HSD11B1: variants seen among roughly 807,000 people sequenced by gnomAD.
HSD11B1 encodes the protein hydroxysteroid 11-beta dehydrogenase 1.
Under a neutral mutation model 22.1 loss-of-function variants are expected in HSD11B1, and 15 were observed. That is an observed-to-expected ratio of 0.68 (90% CI 0.45 to 1.04). The LOEUF (loss-of-function observed/expected upper bound fraction) is 1.04. Ranked by LOEUF, HSD11B1 falls within the 50% of genes least tolerant of loss-of-function variation. The probability of loss-of-function intolerance (pLI) is 0.00; values close to 1 mark genes in which losing one functional copy is unlikely to be tolerated. For missense variants in HSD11B1, 281 were observed against 357.6 expected, an observed-to-expected ratio of 0.79 and a Z score of 1.73; for synonymous variants, 122 against 125.2, an observed-to-expected ratio of 0.97 and a Z score of 0.17.
intron 4 of HSD11B1, among the ~76,000 whole-genome samples, chr1:209,722,123 A>T (rs2076970716): frequency 6.6e-6 from 1 of 152,124 alleles, no homozygotes; most frequent in African/African-American, 2.4e-5. Flanking sequence ...ATGTTCTTCA[A>T]ATCTATTCTT....
intron 4 of HSD11B1, among the ~76,000 whole-genome samples, chr1:209,712,151 A>C (rs1370785603): frequency 6.6e-6 from 1 of 152,246 alleles, no homozygotes; most frequent in Non-Finnish European, 1.5e-5. Flanking sequence ...CAAATAGAAA[A>C]CTAGGTCTTA....
rs548611094 is a variant in HSD11B1, at chr1:209,723,225, A to C, written c.518-9211A>C. Reference sequence around the variant, plus strand: ...GCTGCCATCTTTCTCTTCTGCTATCATGGACCCACCCTCCCACATAAGCCA... The same window carrying C: ...GCTGCCATCTTTCTCTTCTGCTATCCTGGACCCACCCTCCCACATAAGCCA... On this transcript the variant is annotated intron_variant, in intron 4 of 5. Coordinates refer to ENST00000367027, the MANE Select transcript of HSD11B1 (RefSeq NM_005525.4). Among the ~76,000 whole-genome samples the C allele has an allele frequency of 2.0e-5, 3 of 152,270 alleles. No homozygotes were observed. In the South Asian group the frequency reaches 6.2e-4, roughly 32 times the overall value.
At chr1:209,720,815 G>A (rs1412066991) in intron 4 of HSD11B1, among the ~76,000 whole-genome samples, 1 of 152,092 alleles carries the variant, frequency 6.6e-6, no homozygotes, top group Non-Finnish European at 1.5e-5. Context: ...GTACTGGGTT[G>A]AATAGTGGCC....
At chr1:209,702,894 A>G (rs1223571964), upstream of HSD11B1, among the ~76,000 whole-genome samples, 1 of 152,206 alleles carries the variant, frequency 6.6e-6, no homozygotes, top group Non-Finnish European at 1.5e-5. Context: ...TATTTTATCT[A>G]ATCCCATGAA....
At chr1:209,695,863 TG>T (rs2076788234) in intron 1 of HSD11B1, among the ~76,000 whole-genome samples, 1 of 152,212 alleles carries the variant, frequency 6.6e-6, no homozygotes, top group South Asian at 2.1e-4. Context: ...ATGCCACTCT[TG>T]GGCATGTACC....
chr1:209,710,827 C>CA (rs1431865198), intron 4 of HSD11B1, among the ~76,000 whole-genome samples: 1 of 152,222 alleles, frequency 6.6e-6, no homozygotes, highest in Non-Finnish European at 1.5e-5. Context: ...TAAGTGTCTC[C>CA]AGTTAACTAT....
intron 4 of HSD11B1, among the ~76,000 whole-genome samples, chr1:209,728,500 T>C (rs1009658818): frequency 2.6e-5 from 4 of 152,206 alleles, no homozygotes; most frequent in Admixed American, 2.0e-4. Flanking sequence ...CACACCTGGG[T>C]CATCTGACTC....
At chr1:209,725,248 G>A (rs2076993737) in intron 4 of HSD11B1, among the ~76,000 whole-genome samples, 1 of 152,092 alleles carries the variant, frequency 6.6e-6, no homozygotes, top group Admixed American at 6.5e-5. Context: ...AAGAGTTTTG[G>A]ATAAGTGTTT....
chr1:209,703,508 C>T (rs979020631), upstream of HSD11B1, among the ~76,000 whole-genome samples: 1 of 152,036 alleles, frequency 6.6e-6, no homozygotes, highest in Non-Finnish European at 1.5e-5. Flanking sequence ...CTGTCTAGCC[C>T]TCAACTGTTC....
chr1:209,707,104 A>G lies in HSD11B1; in HGVS notation c.493A>G (p.Ile165Val), dbSNP rs1208080172. ...CATGCTGAAGCAGAGCAATGGAAGC[A>G]TTGTTGTCGTCTCCTCTCTGGCTGG... ...LPMLKQSNGS[I>V]VVVSSLAGKV... Residue 165 changes from isoleucine to valine, a missense_variant, in exon 4 of 6, where the codon ATT becomes GTT. By Grantham distance (29) the Ile-to-Val change is conservative (BLOSUM62 3). Coordinates refer to ENST00000367027, the MANE Select transcript of HSD11B1 (RefSeq NM_005525.4). 6.2e-7 allele frequency: 1 copy of G among 1,613,914 alleles called. No individual in the cohort carries two copies. Among genetic ancestry groups the G allele is most frequent in the East Asian group, 2.2e-5 (1 of 44,864 alleles).
At chr1:209,697,290 C>A (rs2076796748) in intron 1 of HSD11B1, among the ~76,000 whole-genome samples, 2 of 152,180 alleles carry the variant, frequency 1.3e-5, no homozygotes, top group African/African-American at 4.8e-5. Flanking sequence ...TACAAACTAG[C>A]CCTCCCCTCT....
chr1:209,698,424 T>C (rs1000220437), intron 1 of HSD11B1, among the ~76,000 whole-genome samples: 2 of 152,212 alleles, frequency 1.3e-5, no homozygotes, highest in Non-Finnish European at 2.9e-5. Flanking sequence ...GATGCCCACC[T>C]GGCTGGGGCT....
intron 4 of HSD11B1, among the ~76,000 whole-genome samples, chr1:209,728,480 A>C (rs1269527950): frequency 6.6e-6 from 1 of 152,212 alleles, no homozygotes; most frequent in African/African-American, 2.4e-5. Flanking sequence ...GAATTGGCAT[A>C]CTTGGGATTC....
intron 1 of HSD11B1, among the ~76,000 whole-genome samples, chr1:209,697,522 C>T (rs1158619686): frequency 6.6e-6 from 1 of 152,170 alleles, no homozygotes; most frequent in Non-Finnish European, 1.5e-5. Context: ...TTTATTTCCA[C>T]GTCTTCTTCT....
intron 1 of HSD11B1, among the ~76,000 whole-genome samples, chr1:209,686,524 G>A (rs1372856165): frequency 6.6e-6 from 1 of 152,178 alleles, no homozygotes; most frequent in Admixed American, 6.5e-5. Context: ...GATGGAACCA[G>A]AAGTCTCTTG....
In HSD11B1 at chr1:209,732,544, C is replaced by G. The variant is rs1447930990; in HGVS notation, c.626C>G (p.Ser209Ter). Reference protein sequence around the residue: ...KEYSVSRVNVSITLCVLGLID... With the variant: ...KEYSVSRVNV ...TATTCAGTGTCCAGGGTCAATGTATCAATCACTCTCTGTGTTCTTGGCCTC... is the reference window on the plus strand; with the variant it reads ...TATTCAGTGTCCAGGGTCAATGTATGAATCACTCTCTGTGTTCTTGGCCTC... The change falls in exon 5 of 6, where the codon TCA becomes TGA. Residue 209 changes from serine (S) to a stop codon, truncating the protein, a stop_gained. Coordinates refer to ENST00000367027, the MANE Select transcript of HSD11B1 (RefSeq NM_005525.4). LOFTEE classifies it low-confidence loss of function (END_TRUNC). The G allele has an allele frequency of 6.2e-7, 1 of 1,613,842 alleles. No homozygotes were observed. The highest frequency in any genetic ancestry group is 2.2e-5 in the East Asian group (1 of 44,868).
intron 4 of HSD11B1, among the ~76,000 whole-genome samples, chr1:209,726,618 C>A (rs990171205): frequency 6.6e-6 from 1 of 152,068 alleles, no homozygotes; most frequent in African/African-American, 2.4e-5. Context: ...CTTTTTTAAA[C>A]CATACAAGCA....
chr1:209,729,416 G>T (rs1019009433), intron 4 of HSD11B1, among the ~76,000 whole-genome samples: 2 of 149,480 alleles, frequency 1.3e-5, no homozygotes, highest in Non-Finnish European at 3.0e-5. Flanking sequence ...ATTTAAATCA[G>T]GTCTGAAGGT....
Position 209,732,492 on chromosome 1 carries a change from G to GGGTTCTTCT in HSD11B1, c.575_583dup (p.Phe194_Ser195insTrpPhePhe). On this transcript the variant is annotated inframe_insertion, in exon 5 of 6. Transcript: ENST00000367027. ...TTCTGCAAGCAAGTTTGCTTTGGAT[G>GGGTTCTTCT]GGTTCTTCTCCTCCATCAGAAAGGA... is the stretch of plus-strand genomic sequence containing the variant. 1 of 1,613,972 alleles carries GGGTTCTTCT rather than the reference G, an allele frequency of 6.2e-7. No individual in the cohort carries two copies. The highest frequency in any genetic ancestry group is 8.5e-7 in the Non-Finnish European group (1 of 1,179,884).
Sources: allele counts gnomAD v4.1 joint callset (sites outside exome capture counted in the v4.1 genomes callset), GRCh38; gene constraint gnomAD v4.1.1; transcripts MANE v1.5; gene names NCBI Gene and HGNC (gene_info 2026-07-23, HGNC 2026-07-21).